Variants in COL1A2 observed in about 807,000 individuals in gnomAD.
COL1A2 encodes collagen alpha-2(I) chain.
A neutral mutation model predicts 174.3 loss-of-function variants in COL1A2; 49 were observed. The ratio of observed to expected loss-of-function variants is 0.28; its 90% CI spans 0.22 to 0.36. COL1A2 has a LOEUF of 0.36. COL1A2 is among the 10% of genes least tolerant of loss of function. COL1A2 has a pLI of 1.00. For synonymous variants in COL1A2, 655 were observed against 606.6 expected (o/e 1.08, Z -1.17); for missense variants, 1,438 against 1,822.7 (o/e 0.79, Z 3.84).
chr7:94,401,744 A>G (rs1791694848), intron 6 of COL1A2, 124 bp downstream of exon 6: 3 of 560,036 alleles, frequency 5.4e-6, no homozygotes, highest in Non-Finnish European at 9.4e-6. Flanking sequence ...TTATATAAAA[A>G]CAACTCTTTT....
At chr7:94,401,657 TA>T in intron 6 of COL1A2, 37 bp downstream of exon 6, 1 of 1,480,070 alleles carries the variant, frequency 6.8e-7, no homozygotes. Flanking sequence ...AAAAAATTGC[TA>T]AATAAATCAT....
chr7:94,427,313 AAAT>A lies in COL1A2; in HGVS notation c.3267+24_3267+26del, dbSNP rs1792299355. Reference sequence around the variant, plus strand: ...GCCCTGCTGTAAGTATGATTTGGGGAAATAATAAAGAAGATCACGGACCTAAGG... The same window carrying A: ...GCCCTGCTGTAAGTATGATTTGGGGAAATAAAGAAGATCACGGACCTAAGG... On this transcript the variant is annotated intron_variant, in intron 48 of 51. Coordinates refer to ENST00000297268, the MANE Select transcript of COL1A2 (RefSeq NM_000089.4). 3.1e-6 allele frequency: 5 copies of A among 1,592,962 alleles called. No homozygotes were observed. The highest frequency in any genetic ancestry group is 1.3e-5 in the African/African-American group (1 of 74,382).
At chr7:94,397,508 A>G (rs958885526) in intron 1 of COL1A2, among the ~76,000 whole-genome samples, 2 of 152,106 alleles carry the variant, frequency 1.3e-5, no homozygotes, top group African/African-American at 4.8e-5. Context: ...TAAATAATTA[A>G]TAATTTAATT....
At chr7:94,406,635 G>A (rs566417322) in intron 12 of COL1A2, among the ~76,000 whole-genome samples, 28 of 151,926 alleles carry the variant, frequency 1.8e-4, no homozygotes, top group Non-Finnish European at 2.8e-4. Context: ...CAGAGATTAC[G>A]ACACTCTGTA....
Position 94,423,893 on chromosome 7 carries a change from C to G in COL1A2, c.2566-443C>G, listed in dbSNP as rs542845823. The G allele has an allele frequency of 1.6e-5, 3 of 190,350 alleles. No homozygotes were observed. In the Admixed American group the frequency reaches 1.6e-4, roughly 10 times the overall value. The allele number at this position is 190,350 out of a possible 1,614,324, so 11.8% of individuals were successfully genotyped here. A position where few individuals can be genotyped will look rare whatever the true frequency, so the allele number is the denominator to read the frequency against. On this transcript the variant is annotated intron_variant, in intron 40 of 51. Coordinates refer to ENST00000297268, the MANE Select transcript of COL1A2 (RefSeq NM_000089.4). ...TACACATGTGAGCCACCCCACCCAG[C>G]CTGATTTCCTTTCCTTTGTGTATAT...
intron 51 of COL1A2, chr7:94,429,695 T>A (rs1584333164): frequency 7.4e-6 from 3 of 402,812 alleles, no homozygotes; most frequent in East Asian, 9.4e-5. Context: ...GTATACTATG[T>A]CCATGCATTG....
Position 94,425,755 on chromosome 7 carries a change from G to A in COL1A2, c.2841G>A (p.Glu947=), listed in dbSNP as rs1562907108. The part of the protein sequence containing the change: ...GRDGQPGHKG[E]RGYPGNIGPV... ...CTTCATTTTGCCTTTGGTAGGGAGA[G>A]CGCGGTTACCCTGGCAATATTGGTC... The change falls in exon 44 of 52, where the codon GAG becomes GAA. Residue 947 remains glutamate (E), a synonymous_variant. Coordinates refer to ENST00000297268, the MANE Select transcript of COL1A2 (RefSeq NM_000089.4). 3.7e-6 allele frequency: 6 copies of A among 1,613,780 alleles called. No homozygotes were observed. The highest frequency in any genetic ancestry group is 5.1e-6 in the Non-Finnish European group (6 of 1,179,870).
Position 94,425,791 on chromosome 7 carries a change from T to C in COL1A2, c.2877T>C (p.Ala959=). ...GYPGNIGPVG[A]AGAPGPHGPV... ...CTGGCAATATTGGTCCCGTTGGTGCTGCAGGTGCACCTGGTCCTCATGGCC... is the reference window on the plus strand; with the variant it reads ...CTGGCAATATTGGTCCCGTTGGTGCCGCAGGTGCACCTGGTCCTCATGGCC... The change falls in exon 44 of 52, where the codon GCT becomes GCC. Residue 959 remains alanine, a synonymous_variant. Coordinates refer to ENST00000297268, the MANE Select transcript of COL1A2 (RefSeq NM_000089.4). 1 of 1,613,228 alleles carries C rather than the reference T, an allele frequency of 6.2e-7. No individual in the cohort carries two copies. The highest frequency in any genetic ancestry group is 8.5e-7 in the Non-Finnish European group (1 of 1,179,646).
At chr7:94,421,690 A>C (rs1792166728) in intron 38 of COL1A2, among the ~76,000 whole-genome samples, 2 of 152,180 alleles carry the variant, frequency 1.3e-5, no homozygotes, top group Admixed American at 1.3e-4. Context: ...GGGCATTGCA[A>C]CTGGTAATAT....
chr7:94,417,656 T>G, intron 31 of COL1A2, 68 bp from the exon 32 acceptor site: 1 of 1,347,938 alleles, frequency 7.4e-7, no homozygotes, highest in African/African-American at 1.4e-5. Context: ...ATTGGAATTC[T>G]TCTAGAGTTT....
At position 94,429,438 on chromosome 7, in the gene COL1A2, A is replaced by G. The variant is rs747626670; in HGVS notation, c.3954+8A>G. The G allele has an allele frequency of 9.9e-6, 16 of 1,613,684 alleles. No individual in the cohort carries two copies. The highest frequency in any genetic ancestry group is 1.2e-5 in the Non-Finnish European group (14 of 1,179,930). ...CTTGTAGATGGCTGCTCTGTAAGTA[A>G]TAGTGAAATATGGGAATAGCTTTGG... On this transcript the variant is annotated splice_region_variant and intron_variant, in intron 51 of 51. Transcript: ENST00000297268.
chr7:94,399,874 G>A (rs1041989929), intron 4 of COL1A2, among the ~76,000 whole-genome samples: 1 of 152,094 alleles, frequency 6.6e-6, no homozygotes, highest in East Asian at 1.9e-4. Flanking sequence ...GTAAGTCCTT[G>A]TGCACTGTTA....
intron 46 of COL1A2, 163 bp downstream of exon 46, chr7:94,426,693 TACCAA>T: frequency 1.4e-6 from 1 of 720,270 alleles, no homozygotes; most frequent in Non-Finnish European, 2.5e-6. Flanking sequence ...TGCTATTTCA[TACCAA>T]CATGAAAGGT....
intron 16 of COL1A2, 135 bp from the exon 17 acceptor site, chr7:94,409,187 G>T (rs761074621): frequency 5.5e-6 from 5 of 907,130 alleles, no homozygotes; most frequent in Non-Finnish European, 9.2e-6. Context: ...CTCAAATCTT[G>T]TAATAAAACG....
chr7:94,408,706 C>T, intron 15 of COL1A2, 64 bp from the exon 16 acceptor site: 1 of 1,547,580 alleles, frequency 6.5e-7, no homozygotes, highest in Middle Eastern at 1.7e-4. Flanking sequence ...AATCTTCTGC[C>T]ATTGTTATTG....
At chr7:94,401,696 AT>A in intron 6 of COL1A2, 76 bp downstream of exon 6, 1 of 1,097,554 alleles carries the variant, frequency 9.1e-7, no homozygotes. Context: ...TTACCACGCC[AT>A]TTATTTAGCT....
rs182596261 is a variant in COL1A2 at position 94,407,623 on chromosome 7, C to G, written c.595-224C>G. ...TGGGGAGGAGGTACACTCAAATAAC[C>G]ACATCTCCTTAGAACCTGGATATGT... On this transcript the variant is annotated intron_variant, in intron 12 of 51. Coordinates refer to ENST00000297268, the MANE Select transcript of COL1A2 (RefSeq NM_000089.4). Among the ~76,000 whole-genome samples, 1,245 of 152,180 alleles carry G rather than the reference C, an allele frequency of 8.2e-3. 4 individuals are homozygous for G. The highest frequency in any genetic ancestry group is 0.013 in the Non-Finnish European group (917 of 68,010).
rs77347506 is a variant in COL1A2, at chr7:94,411,197, C to T, written c.1350+43C>T. The T allele has an allele frequency of 1.8e-3, 2,542 of 1,405,226 alleles. 28 individuals carry two copies. In the African/African-American group the frequency reaches 0.03, roughly 17 times the overall value. The allele number at this position is 1,405,226 out of a possible 1,614,324, so 87.0% of individuals were successfully genotyped here. A position where few individuals can be genotyped will look rare whatever the true frequency, so the allele number is the denominator to read the frequency against. ...TCTGAGCAAATCACACCTGGCATTA[C>T]TTCCTTCTTTAAAGGGTTGGTTAAT... On this transcript the variant is annotated intron_variant, in intron 23 of 51. Coordinates refer to ENST00000297268, the MANE Select transcript of COL1A2 (RefSeq NM_000089.4).
chr7:94,427,974 A>C, intron 49 of COL1A2, 89 bp downstream of exon 49: 1 of 1,387,862 alleles, frequency 7.2e-7, no homozygotes, highest in Non-Finnish European at 1.0e-6. Flanking sequence ...GTGAAAATGC[A>C]TTTGGGTAAA....
Sources: gnomAD v4.1 joint callset for allele counts (sites outside exome capture counted in the v4.1 genomes callset) on GRCh38, gnomAD v4.1.1 for gene constraint, MANE v1.5 for transcripts, NCBI Gene and HGNC (gene_info 2026-07-23, HGNC 2026-07-21) for gene names.